Variants in PCDHGA6 observed in about 807,000 individuals in gnomAD.
PCDHGA6 encodes protocadherin gamma-A6.
In PCDHGA6, 41 loss-of-function variants were observed where a neutral mutation model predicts 60.6. That is an observed-to-expected ratio of 0.68 (90% CI 0.53 to 0.88). The LOEUF (loss-of-function observed/expected upper bound fraction) is 0.88, where lower values mean the gene tolerates loss of function less well. Among genes scored for constraint, PCDHGA6 ranks in the 40% least tolerant of loss-of-function variants. PCDHGA6 has a pLI of 0.00. For synonymous variants in PCDHGA6, 594 were observed against 524.4 expected, an observed-to-expected ratio of 1.13 and a Z score of -1.81; for missense variants, 1,312 against 1,203.0, an observed-to-expected ratio of 1.09 and a Z score of -1.34.
At chr5:141,510,795 G>A in intron 3 of PCDHGA6, 152 bp from the exon 4 acceptor site, 6 of 1,465,214 alleles carry the variant, frequency 4.1e-6, no homozygotes, top group Non-Finnish European at 5.5e-6. Context: ...CTTGTGAAGA[G>A]AGACTACCTT....
chr5:141,498,312 T>C (rs2099783060), intron 2 of PCDHGA6, among the ~76,000 whole-genome samples: 1 of 151,714 alleles, frequency 6.6e-6, no homozygotes, highest in Non-Finnish European at 1.5e-5. Context: ...TCACACTGCC[T>C]ACACAGAAGG....
At position 141,387,719 on chromosome 5, in the gene PCDHGA6, C is replaced by T. The variant is rs953272587; in HGVS notation, c.2424+11212C>T. The T allele has an allele frequency of 4.5e-6, 5 of 1,115,502 alleles. No homozygotes were observed. In the African/African-American group the frequency reaches 4.7e-5, roughly 11 times the overall value. 69.1% of individuals were successfully genotyped at this position (1,115,502 alleles called of 1,614,324 possible). On this transcript the variant is annotated intron_variant, in intron 1 of 3. Transcript: ENST00000517434. The stretch of plus-strand genomic sequence containing the variant: ...TTCCAGGGCAGCCCCAGCTCAGACT[C>T]CCCAGCGCCAGCCTTTACACCGCTT...
chr5:141,487,491 C>A lies in PCDHGA6; in HGVS notation c.2425-7316C>A. On this transcript the variant is annotated intron_variant, in intron 1 of 3. Transcript: ENST00000517434. This position sits in a 1 kb window ranked among gnomAD's most constrained non-coding sequence, Gnocchi z 5.0. The stretch of plus-strand genomic sequence containing the variant: ...GTGGGAGGCCACTCTCATGGCTGTA[C>A]ACCCTTGGCTTCTGCACCCACTCGG... The A allele has an allele frequency of 6.2e-7, 1 of 1,614,204 alleles. No individual in the cohort carries two copies. The highest frequency in any genetic ancestry group is 8.5e-7 in the Non-Finnish European group (1 of 1,180,034).
intron 1 of PCDHGA6, chr5:141,383,934 A>G (rs756515135): frequency 2.5e-6 from 4 of 1,613,944 alleles, no homozygotes; most frequent in Non-Finnish European, 3.4e-6. Flanking sequence ...ATAATGCTCC[A>G]GAAGTGACTA....
At chr5:141,394,288 C>T in intron 1 of PCDHGA6, 1 of 1,613,944 alleles carries the variant, frequency 6.2e-7, no homozygotes, top group Non-Finnish European at 8.5e-7. Flanking sequence ...TACTCTGTGA[C>T]CGAGGACACG....
chr5:141,398,337 G>T, intron 1 of PCDHGA6: 3 of 1,369,482 alleles, frequency 2.2e-6, no homozygotes, highest in Non-Finnish European at 3.0e-6. Context: ...GCGTCAGTTC[G>T]GAGAAGCCTT....
Position 141,489,322 on chromosome 5 carries a change from T to G in PCDHGA6, c.2425-5485T>G. 1.9e-6 allele frequency: 3 copies of G among 1,601,052 alleles called. No homozygotes were observed. The highest frequency in any genetic ancestry group is 2.2e-5 in the East Asian group (1 of 44,726). On this transcript the variant is annotated intron_variant, in intron 1 of 3. Transcript: ENST00000517434. This position sits in a 1 kb window ranked among gnomAD's most constrained non-coding sequence, Gnocchi z 4.5. The stretch of plus-strand genomic sequence containing the variant: ...GTCCTTGTGCTGCTGGGGCTGGGTG[T>G]CTGGGCAGCTTCGTTACTCAGTGGT...
At chr5:141,435,214 A>G (rs1314928643) in intron 1 of PCDHGA6, among the ~76,000 whole-genome samples, 2 of 152,176 alleles carry the variant, frequency 1.3e-5, no homozygotes, top group South Asian at 2.1e-4. Context: ...AAGTGAATTT[A>G]CTTTCTTTCA....
chr5:141,399,320 A>T (rs775357251), intron 1 of PCDHGA6: 2 of 1,614,010 alleles, frequency 1.2e-6, no homozygotes, highest in Non-Finnish European at 1.7e-6. Flanking sequence ...AAAAATTCGT[A>T]TAAGTTGGTA....
intron 1 of PCDHGA6, among the ~76,000 whole-genome samples, chr5:141,452,585 G>A (rs1310395736): frequency 6.6e-6 from 1 of 151,984 alleles, no homozygotes; most frequent in Non-Finnish European, 1.5e-5. Context: ...TTCCATCTTT[G>A]TATTTTTATT....
At chr5:141,427,450 CT>C in intron 1 of PCDHGA6, 1 of 486,442 alleles carries the variant, frequency 2.1e-6, no homozygotes, top group South Asian at 1.5e-5. Flanking sequence ...GAAAGAGTTC[CT>C]TTTAGAATCG....
intron 1 of PCDHGA6, chr5:141,413,770 G>A: frequency 6.2e-7 from 1 of 1,612,708 alleles, no homozygotes; most frequent in Non-Finnish European, 8.5e-7. Context: ...CCCGGAGCTG[G>A]TACTGGAGCA....
intron 1 of PCDHGA6, among the ~76,000 whole-genome samples, chr5:141,462,829 G>T (rs770335372): frequency 4.6e-5 from 7 of 152,130 alleles, no homozygotes; most frequent in Non-Finnish European, 8.8e-5. Flanking sequence ...AGCAGACATT[G>T]TAAATGTTAT....
rs183257097 is a variant in PCDHGA6 at position 141,389,274 on chromosome 5, C to G, written c.2424+12767C>G. 189 of 1,614,032 alleles carry G rather than the reference C, an allele frequency of 1.2e-4. 1 individual carries two copies. In the East Asian group the frequency reaches 4.2e-3, roughly 36 times the overall value. On this transcript the variant is annotated intron_variant, in intron 1 of 3. Coordinates refer to ENST00000517434, the MANE Select transcript of PCDHGA6 (RefSeq NM_018919.3). ...TATAGTCCACGTGGCCGAGAACAACCCGCCTGGAGCCTCTATTTCACAAGT... is the reference window on the plus strand; with the variant it reads ...TATAGTCCACGTGGCCGAGAACAACGCGCCTGGAGCCTCTATTTCACAAGT...
At chr5:141,463,265 A>G (rs2099055701) in intron 1 of PCDHGA6, among the ~76,000 whole-genome samples, 1 of 151,998 alleles carries the variant, frequency 6.6e-6, no homozygotes, top group African/African-American at 2.4e-5. Flanking sequence ...ACTCTATCCC[A>G]TAAATTCTGG....
intron 1 of PCDHGA6, chr5:141,387,595 A>C (rs191053839): frequency 6.0e-5 from 32 of 532,776 alleles, no homozygotes; most frequent in Admixed American, 2.6e-4. Flanking sequence ...AACTTGAAGC[A>C]GCAGAGGCTG....
rs747064148 is a variant in PCDHGA6, at chr5:141,395,059, T to C, written c.2424+18552T>C. 1 of 1,614,180 alleles carries C rather than the reference T, an allele frequency of 6.2e-7. No individual in the cohort carries two copies. The stretch of plus-strand genomic sequence containing the variant: ...GTGGGTGTTGAGGAGGTACAGGCTT[T>C]CCTGCAGACCTATTCCCAGGAAGTC... On this transcript the variant is annotated intron_variant, in intron 1 of 3. Transcript: ENST00000517434.
intron 1 of PCDHGA6, chr5:141,478,076 C>A: frequency 6.2e-7 from 1 of 1,614,106 alleles, no homozygotes. Context: ...CAATGGGGAG[C>A]CTTCGCTCTC....
At chr5:141,389,733 C>A in intron 1 of PCDHGA6, 1 of 1,612,786 alleles carries the variant, frequency 6.2e-7, no homozygotes, top group Non-Finnish European at 8.5e-7. Flanking sequence ...GCTCTTCAGC[C>A]TGGGGCTGCG....
Sources: allele counts gnomAD v4.1 joint callset (sites outside exome capture counted in the v4.1 genomes callset), GRCh38; gene constraint gnomAD v4.1.1; non-coding constraint Gnocchi (gnomAD v3.1); transcripts MANE v1.5; gene names NCBI Gene and HGNC (gene_info 2026-07-23, HGNC 2026-07-21).